POLK: variants seen among roughly 807,000 people sequenced by gnomAD.
POLK encodes the protein polymerase (DNA directed) kappa.
Under a neutral mutation model 94.0 loss-of-function variants are expected in POLK, and 76 were observed. The observed-to-expected ratio is 0.81, with a 90% CI of 0.67 to 0.98. The LOEUF is 0.98. Among genes scored for constraint, POLK ranks in the 50% least tolerant of loss-of-function variants. The pLI, the probability that POLK is intolerant of heterozygous loss-of-function variation, is 0.00. For missense variants in POLK, 954 were observed against 1,010.1 expected, an observed-to-expected ratio of 0.94 and a Z score of 0.75; for synonymous variants, 349 against 325.4, an observed-to-expected ratio of 1.07 and a Z score of -0.78.
At position 75,591,545 on chromosome 5, in the gene POLK, A is replaced by C. The variant is rs537557403; in HGVS notation, c.1356+1105A>C. On this transcript the variant is annotated intron_variant, in intron 11 of 14. Coordinates refer to ENST00000241436, the Ensembl canonical transcript of POLK. Reference sequence around the variant, plus strand: ...CATATTACCAGAGTACATTTGTCAAAAATAAGAAACTGACATTTAATACAT... The same window carrying C: ...CATATTACCAGAGTACATTTGTCAACAATAAGAAACTGACATTTAATACAT... Among the ~76,000 whole-genome samples the C allele has an allele frequency of 2.0e-5, 3 of 152,308 alleles. No homozygotes were observed. In the East Asian group the frequency reaches 5.8e-4, roughly 29 times the overall value.
exon 15 of POLK, chr5:75,598,143 G>T: frequency 2.1e-6 from 1 of 470,430 alleles, no homozygotes. Context: ...TCCTTCCTCA[G>T]ATGATGTTTG....
intron 11 of POLK, among the ~76,000 whole-genome samples, chr5:75,590,843 A>G (rs971902780): frequency 6.6e-6 from 1 of 152,210 alleles, no homozygotes; most frequent in African/African-American, 2.4e-5. Context: ...TTACTTAGAC[A>G]ATGACCTTCT....
At chr5:75,587,316 A>G (rs1014701167) in intron 10 of POLK, among the ~76,000 whole-genome samples, 1 of 152,210 alleles carries the variant, frequency 6.6e-6, no homozygotes, top group African/African-American at 2.4e-5. Context: ...AGCATTTTAG[A>G]ATTTCATATC....
intron 2 of POLK, among the ~76,000 whole-genome samples, chr5:75,551,945 G>C (rs537212541): frequency 3.3e-4 from 50 of 152,246 alleles, no homozygotes; most frequent in African/African-American, 1.1e-3. Flanking sequence ...CTTCACTGTA[G>C]CCAAAAAGTG....
chr5:75,592,795 T>A (rs1276285288), intron 11 of POLK, among the ~76,000 whole-genome samples: 2 of 152,070 alleles, frequency 1.3e-5, no homozygotes, highest in East Asian at 3.9e-4. Flanking sequence ...GGCTCATGCC[T>A]GTAATCCCAG....
At chr5:75,583,649 G>A (rs1207876523) in intron 8 of POLK, among the ~76,000 whole-genome samples, 1 of 152,080 alleles carries the variant, frequency 6.6e-6, no homozygotes, top group Admixed American at 6.5e-5. Flanking sequence ...AGATTTTTAA[G>A]TGAACTACTG....
At chr5:75,560,906 A>T (rs1161998058) in intron 3 of POLK, among the ~76,000 whole-genome samples, 1 of 152,186 alleles carries the variant, frequency 6.6e-6, no homozygotes, top group Non-Finnish European at 1.5e-5. Context: ...TTCTTTATCC[A>T]GTCTATCATT....
chr5:75,593,853 A>G, intron 11 of POLK, 25 bp from the exon 12 acceptor site: 4 of 1,345,452 alleles, frequency 3.0e-6, no homozygotes, highest in Non-Finnish European at 4.2e-6. Context: ...ATAAATAAAT[A>G]AATAACATAT....
chr5:75,599,658 T>A (rs936107117), exon 15 of POLK: 6 of 152,186 alleles, frequency 3.9e-5, no homozygotes, highest in Non-Finnish European at 8.8e-5. Flanking sequence ...AGGTAAATAG[T>A]ACCATAGTGA....
exon 1 of POLK, chr5:75,511,861 G>A: frequency 6.5e-7 from 1 of 1,532,712 alleles, no homozygotes. Flanking sequence ...AAGGGCGTTG[G>A]TCCGTCGCTC....
upstream of POLK, chr5:75,511,633 C>T: frequency 1.3e-6 from 2 of 1,486,010 alleles, no homozygotes; most frequent in Non-Finnish European, 1.8e-6. Context: ...ACTATTTACC[C>T]TCCCCTCCCC....
the POLK span, chr5:75,609,050 C>T: frequency 6.6e-6 from 1 of 152,138 alleles, no homozygotes; most frequent in Non-Finnish European, 1.5e-5. Context: ...TCACATAATG[C>T]ACTGCTTTGG....
intron 1 of POLK, among the ~76,000 whole-genome samples, chr5:75,522,654 T>C (rs1561331193): frequency 6.6e-6 from 1 of 152,288 alleles, no homozygotes; most frequent in African/African-American, 2.4e-5. Context: ...GGTGATTCCA[T>C]TTTATTTTTA....
intron 3 of POLK, among the ~76,000 whole-genome samples, chr5:75,566,148 TG>T (rs1475267232): frequency 6.6e-6 from 1 of 152,222 alleles, no homozygotes; most frequent in Non-Finnish European, 1.5e-5. Flanking sequence ...AACTTCCCAC[TG>T]GGTTTGTTTA....
At chr5:75,527,500 TATACAC>T (rs752860520) in intron 1 of POLK, among the ~76,000 whole-genome samples, 3 of 116,056 alleles carry the variant, frequency 2.6e-5, no homozygotes, top group Non-Finnish European at 5.2e-5. Context: ...AAAATTTATA[TATACAC>T]ACACACACAC....
At chr5:75,579,058 G>T (rs1363495605) in intron 6 of POLK, among the ~76,000 whole-genome samples, 1 of 152,204 alleles carries the variant, frequency 6.6e-6, no homozygotes, top group Non-Finnish European at 1.5e-5. Context: ...AAAGTAGAAA[G>T]TAGTTCAGAT....
chr5:75,571,222 A>G (rs952513633), intron 4 of POLK, among the ~76,000 whole-genome samples: 2 of 152,188 alleles, frequency 1.3e-5, no homozygotes, highest in Non-Finnish European at 2.9e-5. Flanking sequence ...CCCTTCTACT[A>G]AGCATAACTT....
intron 1 of POLK, among the ~76,000 whole-genome samples, chr5:75,541,867 A>G (rs1455412745): frequency 6.6e-6 from 1 of 152,204 alleles, no homozygotes; most frequent in Non-Finnish European, 1.5e-5. Flanking sequence ...ATGTAAAATA[A>G]TTGAAGAACA....
intron 3 of POLK, among the ~76,000 whole-genome samples, chr5:75,553,850 T>C (rs1166449049): frequency 2.0e-5 from 3 of 152,182 alleles, no homozygotes; most frequent in Non-Finnish European, 4.4e-5. Context: ...AGACCAAAAA[T>C]GTAATATTTT....
Sources: gnomAD v4.1 joint callset for allele counts (sites outside exome capture counted in the v4.1 genomes callset) on GRCh38, gnomAD v4.1.1 for gene constraint, MANE v1.5 for transcripts, NCBI Gene and HGNC (gene_info 2026-07-23, HGNC 2026-07-21) for gene names.